NUP93: variants seen among roughly 807,000 people sequenced by gnomAD.
NUP93 encodes the protein nucleoporin 93.
A neutral mutation model predicts 107.8 loss-of-function variants in NUP93; 55 were observed. That is an observed-to-expected ratio of 0.51 (90% CI 0.41 to 0.64). NUP93 has a LOEUF of 0.64. NUP93 is among the 30% of genes least tolerant of loss of function. The probability of loss-of-function intolerance (pLI) is 0.00; values close to 1 mark genes in which losing one functional copy is unlikely to be tolerated. For missense variants in NUP93, 937 were observed against 1,044.7 expected, an observed-to-expected ratio of 0.90 and a Z score of 1.42; for synonymous variants, 390 against 397.5, an observed-to-expected ratio of 0.98 and a Z score of 0.22.
intron 1 of NUP93, among the ~76,000 whole-genome samples, chr16:56,745,009 A>G (rs142372521): frequency 0.013 from 1,985 of 152,308 alleles, 40 homozygotes; most frequent in African/African-American, 0.045. Flanking sequence ...GCACTGTTGT[A>G]GAAGCTTGGG....
intron 4 of NUP93, among the ~76,000 whole-genome samples, chr16:56,801,568 A>G (rs778951193): frequency 1.3e-5 from 2 of 152,110 alleles, no homozygotes; most frequent in South Asian, 4.1e-4. Flanking sequence ...GTCTGCCACC[A>G]TGCCCAGCTA....
chr16:56,827,417 T>G (rs1391718489), intron 8 of NUP93, among the ~76,000 whole-genome samples: 2 of 152,176 alleles, frequency 1.3e-5, no homozygotes, highest in Non-Finnish European at 2.9e-5. Flanking sequence ...AGTAAAAGAT[T>G]GTTGGTGAAT....
chr16:56,737,660 C>T (rs1197863618), intron 1 of NUP93, among the ~76,000 whole-genome samples: 1 of 151,102 alleles, frequency 6.6e-6, no homozygotes, highest in Non-Finnish European at 1.5e-5. Context: ...TTCTTCAGCT[C>T]ATTGTGATGT....
Position 56,839,732 on chromosome 16 carries a change from G to GTGGT in NUP93, c.2220+130_2220+133dup, listed in dbSNP as rs547181283. ...AACTATCCAGACTGAGTTTTCCAGAGTGGTTCCCTTTCAGATACCTTGGCC... is the reference window on the plus strand; with the variant it reads ...AACTATCCAGACTGAGTTTTCCAGAGTGGTTGGTTCCCTTTCAGATACCTTGGCC... On this transcript the variant is annotated intron_variant, in intron 20 of 21. Coordinates refer to ENST00000308159, the MANE Select transcript of NUP93 (RefSeq NM_014669.5). 2.9e-4 allele frequency: 225 copies of GTGGT among 767,454 alleles called. No individual in the cohort carries two copies. In the African/African-American group the frequency reaches 3.6e-3, roughly 12 times the overall value. The allele number at this position is 767,454 out of a possible 1,614,324, so 47.5% of individuals were successfully genotyped here. A position where few individuals can be genotyped will look rare whatever the true frequency, so the allele number is the denominator to read the frequency against.
chr16:56,758,524 A>G lies in NUP93; in HGVS notation c.180-14A>G, dbSNP rs908519319. ...CCCCTTACTTATATCTCCCTATTCT[A>G]TATCCTCACATAGGTCAGTTCTCCT... is the stretch of plus-strand genomic sequence containing the variant. On this transcript the variant is annotated splice_polypyrimidine_tract_variant and intron_variant, in intron 2 of 21. Coordinates refer to ENST00000308159, the MANE Select transcript of NUP93 (RefSeq NM_014669.5). The G allele has an allele frequency of 1.3e-5, 20 of 1,590,684 alleles. No homozygotes were observed. Among genetic ancestry groups the G allele is most frequent in the Non-Finnish European group, 1.7e-5 (20 of 1,158,844 alleles).
At chr16:56,841,173 G>A (rs1357914711) in intron 20 of NUP93, among the ~76,000 whole-genome samples, 1 of 152,084 alleles carries the variant, frequency 6.6e-6, no homozygotes, top group African/African-American at 2.4e-5. Context: ...GTTATTTCTG[G>A]CCTTTCCTTG....
intron 2 of NUP93, among the ~76,000 whole-genome samples, chr16:56,753,989 TGAA>T (rs1386222920): frequency 1.3e-5 from 2 of 151,586 alleles, no homozygotes; most frequent in African/African-American, 2.4e-5. Context: ...TTTTTTTTAA[TGAA>T]GAAAAGAGGT....
intron 1 of NUP93, among the ~76,000 whole-genome samples, chr16:56,738,427 C>T (rs1753315352): frequency 6.6e-6 from 1 of 152,206 alleles, no homozygotes; most frequent in African/African-American, 2.4e-5. Flanking sequence ...CTACCCATTC[C>T]TTATTGCAAA....
chr16:56,789,156 C>A (rs1206821758), intron 3 of NUP93, among the ~76,000 whole-genome samples: 1 of 152,108 alleles, frequency 6.6e-6, no homozygotes, highest in Non-Finnish European at 1.5e-5. Context: ...TATATCACAG[C>A]TGTAATGGCA....
chr16:56,850,190 A>G lies in NUP93; in HGVS notation c.*5581A>G, dbSNP rs994586361. The G allele has an allele frequency of 3.3e-5, 5 of 152,152 alleles. No individual in the cohort carries two copies. The highest frequency in any genetic ancestry group is 2.6e-4 in the Admixed American group (4 of 15,274). 9.4% of individuals were successfully genotyped at this position (152,152 alleles called of 1,614,324 possible). On this transcript the variant is annotated 3_prime_UTR_variant, in exon 22 of 22. Transcript: ENST00000308159. ...GAGAGCGTTGGTGGATGTGTTCTGCATGTTCCTTTCTGTACAGTAACTTCT... is the reference window on the plus strand; with the variant it reads ...GAGAGCGTTGGTGGATGTGTTCTGCGTGTTCCTTTCTGTACAGTAACTTCT...
Position 56,833,352 on chromosome 16 carries a change from G to A in NUP93, c.1483G>A (p.Val495Met). 1 of 1,589,180 alleles carries A rather than the reference G, an allele frequency of 6.3e-7. No individual in the cohort carries two copies. Among genetic ancestry groups the A allele is most frequent in the Non-Finnish European group, 8.5e-7 (1 of 1,171,474 alleles). The change falls in exon 13 of 22, where the codon GTG (valine) becomes ATG (methionine). Residue 495 changes from valine (V) to methionine (M), a missense_variant. Val to Met is a conservative substitution (Grantham distance 21). Coordinates refer to ENST00000308159, the MANE Select transcript of NUP93 (RefSeq NM_014669.5). ...LRCHAVHVAL[V>M]LFELKLLLKS... ...CTGCCATGCTGTCCATGTAGCACTG[G>A]TGCTGTTTGAGCTGAAGCTGCTTTT... is the stretch of plus-strand genomic sequence containing the variant.
chr16:56,826,010 A>G (rs767510394), intron 8 of NUP93, among the ~76,000 whole-genome samples: 5 of 152,226 alleles, frequency 3.3e-5, no homozygotes, highest in Non-Finnish European at 7.3e-5. Context: ...TGTTGTGAAA[A>G]TATAGGATTG....
intron 4 of NUP93, among the ~76,000 whole-genome samples, chr16:56,802,945 C>T (rs1963053150): frequency 6.6e-6 from 1 of 151,864 alleles, no homozygotes; most frequent in East Asian, 1.9e-4. Flanking sequence ...TTTTTTTGGT[C>T]ATCTTCCTTC....
intron 21 of NUP93, among the ~76,000 whole-genome samples, chr16:56,844,000 G>A (rs548771121): frequency 6.6e-6 from 1 of 152,210 alleles, no homozygotes; most frequent in Non-Finnish European, 1.5e-5. Flanking sequence ...AGGAATGAAA[G>A]GAAGGAAGAG....
chr16:56,767,965 G>T (rs1024621287), intron 3 of NUP93, among the ~76,000 whole-genome samples: 2 of 152,108 alleles, frequency 1.3e-5, no homozygotes, highest in African/African-American at 2.4e-5. Context: ...CAGACTGAGA[G>T]ATACTTTTAT....
intron 21 of NUP93, chr16:56,842,600 T>C (rs1304782054): frequency 2.2e-6 from 1 of 451,150 alleles, no homozygotes; most frequent in Non-Finnish European, 4.4e-6. Context: ...TTGCCCAGGC[T>C]GGAATGCAAT....
chr16:56,836,956 A>G (rs1311089680), intron 17 of NUP93, among the ~76,000 whole-genome samples: 1 of 152,218 alleles, frequency 6.6e-6, no homozygotes, highest in Non-Finnish European at 1.5e-5. Flanking sequence ...CAGGCATTGA[A>G]CTGTTGTCTC....
chr16:56,816,277 G>T (rs1298780314), intron 5 of NUP93, among the ~76,000 whole-genome samples: 1 of 152,210 alleles, frequency 6.6e-6, no homozygotes, highest in African/African-American at 2.4e-5. Context: ...TTGTAACCCA[G>T]TGGTTTTTTA....
At chr16:56,832,603 A>T (rs1963818273) in intron 12 of NUP93, among the ~76,000 whole-genome samples, 1 of 152,244 alleles carries the variant, frequency 6.6e-6, no homozygotes, top group South Asian at 2.1e-4. Flanking sequence ...GGTCATACAC[A>T]ATAATCTGTT....
Sources: allele counts gnomAD v4.1 joint callset (sites outside exome capture counted in the v4.1 genomes callset), GRCh38; gene constraint gnomAD v4.1.1; transcripts MANE v1.5; gene names NCBI Gene and HGNC (gene_info 2026-07-23, HGNC 2026-07-21).